EPB41L4A: variants seen among roughly 807,000 people sequenced by gnomAD.
EPB41L4A encodes band 4.1-like protein 4A.
In EPB41L4A, 100 loss-of-function variants were observed where a neutral mutation model predicts 108.6. The ratio of observed to expected loss-of-function variants is 0.92; its 90% CI spans 0.78 to 1.09. The LOEUF (loss-of-function observed/expected upper bound fraction) is 1.09, where lower values mean the gene tolerates loss of function less well. Ranked by LOEUF, EPB41L4A falls within the 50% of genes least tolerant of loss-of-function variation. The probability of loss-of-function intolerance (pLI) is 0.00; values close to 1 mark genes in which losing one functional copy is unlikely to be tolerated. For synonymous variants in EPB41L4A, 319 were observed against 289.0 expected (o/e 1.10, Z -1.05); for missense variants, 1,030 against 842.7 (o/e 1.22, Z -2.75).
At chr5:112,156,093 A>C (rs1275919244) in intron 12 of EPB41L4A, among the ~76,000 whole-genome samples, 1 of 152,168 alleles carries the variant, frequency 6.6e-6, no homozygotes, top group South Asian at 2.1e-4. Context: ...AAAATGTATT[A>C]ATGCAATTCA....
chr5:112,199,463 C>G (rs1762116375), intron 15 of EPB41L4A, among the ~76,000 whole-genome samples: 1 of 152,184 alleles, frequency 6.6e-6, no homozygotes, highest in Non-Finnish European at 1.5e-5. Context: ...TCTTACAACT[C>G]TGTCATTGGC....
intron 1 of EPB41L4A, among the ~76,000 whole-genome samples, chr5:112,412,025 G>A (rs550151626): frequency 2.6e-5 from 4 of 152,274 alleles, no homozygotes; most frequent in Admixed American, 2.6e-4. Flanking sequence ...TCCCCCTCAA[G>A]ATGAGGACTC....
rs1161350208 is a variant in EPB41L4A, at chr5:112,347,464, A to G, written c.100-39974T>C. On this transcript the variant is annotated intron_variant, in intron 1 of 22. Transcript: ENST00000261486. ...TTAGGCTAGTGCTCACATTTTAATTACAGGTTTTTTCACTCCCCCACAATT... is the reference window on the plus strand; with the variant it reads ...TTAGGCTAGTGCTCACATTTTAATTGCAGGTTTTTTCACTCCCCCACAATT... 2.0e-5 allele frequency among the ~76,000 whole-genome samples: 3 copies of G among 152,340 alleles called. No individual in the cohort carries two copies. The Middle Eastern group carries it at 0.01, about 518-fold the overall frequency.
At chr5:112,148,369 G>A (rs548988065) in intron 12 of EPB41L4A, among the ~76,000 whole-genome samples, 6 of 151,314 alleles carry the variant, frequency 4.0e-5, no homozygotes, top group South Asian at 2.1e-4. Context: ...TTTAAAATTA[G>A]GGTTATATTT....
At chr5:112,150,148 G>C (rs559467103) in intron 12 of EPB41L4A, among the ~76,000 whole-genome samples, 4 of 152,142 alleles carry the variant, frequency 2.6e-5, no homozygotes, top group Admixed American at 2.6e-4. Flanking sequence ...TTACACTTAT[G>C]TGTAGTCTGA....
intron 18 of EPB41L4A, among the ~76,000 whole-genome samples, chr5:112,179,025 G>C (rs1464395495): frequency 6.6e-6 from 1 of 151,912 alleles, no homozygotes; most frequent in East Asian, 1.9e-4. Flanking sequence ...TTAAAGTGGT[G>C]ATATCACAAC....
chr5:112,143,947 A>G, intron 13 of EPB41L4A: 1 of 438,730 alleles, frequency 2.3e-6, no homozygotes, highest in Non-Finnish European at 4.6e-6. Flanking sequence ...AGAAGCCTGG[A>G]ATAATAAATT....
intron 12 of EPB41L4A, among the ~76,000 whole-genome samples, chr5:112,220,086 T>G (rs184804142): frequency 6.4e-4 from 97 of 152,346 alleles, no homozygotes; most frequent in Middle Eastern, 6.8e-3. Context: ...TATTTTTTGC[T>G]AGAATGAAAC....
chr5:112,371,029 C>T (rs557643312), intron 1 of EPB41L4A, among the ~76,000 whole-genome samples: 2 of 152,336 alleles, frequency 1.3e-5, no homozygotes, highest in South Asian at 4.1e-4. Context: ...ACCTTCTATG[C>T]ACTAAGCACT....
chr5:112,247,399 C>T, intron 9 of EPB41L4A, among the ~76,000 whole-genome samples: 1 of 152,166 alleles, frequency 6.6e-6, no homozygotes, highest in East Asian at 1.9e-4. Context: ...CCCTGCCCCT[C>T]TACCACTATG....
chr5:112,367,732 A>G (rs565809535), intron 1 of EPB41L4A, among the ~76,000 whole-genome samples: 1 of 152,338 alleles, frequency 6.6e-6, no homozygotes, highest in East Asian at 1.9e-4. Context: ...TCCTCTTCTC[A>G]GAAAGACAAT....
intron 1 of EPB41L4A, among the ~76,000 whole-genome samples, chr5:112,398,994 C>T (rs372131816): frequency 8.6e-5 from 13 of 151,750 alleles, no homozygotes; most frequent in African/African-American, 2.7e-4. Flanking sequence ...AGAAGTTAGC[C>T]CCATGTTAAA....
intron 2 of EPB41L4A, among the ~76,000 whole-genome samples, chr5:112,289,864 C>T (rs1040612201): frequency 3.9e-5 from 6 of 152,232 alleles, no homozygotes; most frequent in African/African-American, 1.2e-4. Context: ...AAAGCCCCTA[C>T]ATTTTGAGAG....
At chr5:112,183,351 G>A (rs1484998754) in intron 18 of EPB41L4A, 1 of 152,524 alleles carries the variant, frequency 6.6e-6, no homozygotes. Context: ...TCTGTACTTA[G>A]TCTTGGCTCA....
chr5:112,346,661 TAA>T (rs1304576333), intron 1 of EPB41L4A, among the ~76,000 whole-genome samples: 1 of 152,206 alleles, frequency 6.6e-6, no homozygotes, highest in Non-Finnish European at 1.5e-5. Flanking sequence ...CAGTAGTTCA[TAA>T]ACAGAAACAT....
chr5:112,405,999 G>A (rs1762050885), intron 1 of EPB41L4A, among the ~76,000 whole-genome samples: 1 of 152,060 alleles, frequency 6.6e-6, no homozygotes, highest in African/African-American at 2.4e-5. Flanking sequence ...TACAATTATG[G>A]TCACATAGCA....
At chr5:112,176,280 T>C (rs1222270288) in intron 18 of EPB41L4A, among the ~76,000 whole-genome samples, 1 of 152,194 alleles carries the variant, frequency 6.6e-6, no homozygotes, top group East Asian at 1.9e-4. Context: ...TTATTAATTG[T>C]CAATCAATCT....
At chr5:112,150,273 A>T (rs1759414660) in intron 12 of EPB41L4A, among the ~76,000 whole-genome samples, 1 of 152,198 alleles carries the variant, frequency 6.6e-6, no homozygotes, top group African/African-American at 2.4e-5. Context: ...ATCAGTTCAC[A>T]TTGAAAAAGA....
At chr5:112,366,911 T>C (rs1759154231) in intron 1 of EPB41L4A, among the ~76,000 whole-genome samples, 1 of 152,184 alleles carries the variant, frequency 6.6e-6, no homozygotes, top group African/African-American at 2.4e-5. Context: ...CACATACTCC[T>C]AGTAAGCCCT....
Sources: allele counts gnomAD v4.1 joint callset (sites outside exome capture counted in the v4.1 genomes callset), GRCh38; gene constraint gnomAD v4.1.1; transcripts MANE v1.5; gene names NCBI Gene and HGNC (gene_info 2026-07-23, HGNC 2026-07-21).